Variants in MIGA1 observed in about 807,000 individuals in gnomAD.
The protein encoded by MIGA1 is mitoguardin 1, also known as family with sequence similarity 73, member A.
Under a neutral mutation model 82.0 loss-of-function variants are expected in MIGA1, and 58 were observed. The observed-to-expected ratio is 0.71, with a 90% CI of 0.57 to 0.88. The LOEUF (loss-of-function observed/expected upper bound fraction) is 0.88, where lower values mean the gene tolerates loss of function less well. Ranked by LOEUF, MIGA1 falls within the 40% of genes least tolerant of loss-of-function variation. The probability of loss-of-function intolerance (pLI) is 0.00; values close to 1 mark genes in which losing one functional copy is unlikely to be tolerated. For missense variants in MIGA1, 751 were observed against 749.1 expected, an observed-to-expected ratio of 1.00 and a Z score of -0.03; for synonymous variants, 249 against 253.6, an observed-to-expected ratio of 0.98 and a Z score of 0.17.
chr1:77,857,447 C>A (rs866756056), intron 8 of MIGA1, among the ~76,000 whole-genome samples: 5 of 151,900 alleles, frequency 3.3e-5, no homozygotes, highest in African/African-American at 1.2e-4. Context: ...TCAGGTGATC[C>A]GCCTGCCTCA....
At chr1:77,821,774 T>TTTTGTATAGTTGGTATAGTTGGTAATGAG (rs1553217444) in intron 7 of MIGA1, among the ~76,000 whole-genome samples, 1 of 152,182 alleles carries the variant, frequency 6.6e-6, no homozygotes, top group Non-Finnish European at 1.5e-5. Flanking sequence ...TTTGGTTAGT[T>TTTTGTATAGTTGGTATAGTTGGTAATGAG]TTGTATAGTT....
intron 8 of MIGA1, among the ~76,000 whole-genome samples, chr1:77,858,095 A>G (rs183401919): frequency 2.3e-4 from 35 of 152,194 alleles, no homozygotes; most frequent in African/African-American, 8.2e-4. Flanking sequence ...TGACGCCTGA[A>G]TGCCAGTACT....
chr1:77,781,838 A>G (rs1681932866), intron 1 of MIGA1, among the ~76,000 whole-genome samples: 1 of 152,180 alleles, frequency 6.6e-6, no homozygotes, highest in Non-Finnish European at 1.5e-5. Flanking sequence ...GCTGTGTTTG[A>G]TTTTAAAGGA....
chr1:77,811,865 A>G (rs1683350378), intron 5 of MIGA1: 2 of 1,444,480 alleles, frequency 1.4e-6, no homozygotes, highest in South Asian at 3.0e-5. Context: ...CCTGGCCCCG[A>G]CATTAACAGG....
rs912134955 is a variant in MIGA1 at position 77,866,476 on chromosome 1, A to G, written c.1563+85A>G. On this transcript the variant is annotated intron_variant, in intron 14 of 15. Transcript: ENST00000370791. Reference sequence around the variant, plus strand: ...GCTTCTGAGTCACTTCTCCGGTGGGAATTGGCAGCTGTAGGAGGGGTAGGA... The same window carrying G: ...GCTTCTGAGTCACTTCTCCGGTGGGGATTGGCAGCTGTAGGAGGGGTAGGA... The G allele has an allele frequency of 5.5e-5, 71 of 1,293,630 alleles. No individual in the cohort carries two copies. In the Middle Eastern group the frequency reaches 2.4e-3, roughly 44 times the overall value. The allele number at this position is 1,293,630 out of a possible 1,614,324, so 80.1% of individuals were successfully genotyped here.
At chr1:77,855,326 G>C (rs1685209345) in intron 8 of MIGA1, among the ~76,000 whole-genome samples, 1 of 152,166 alleles carries the variant, frequency 6.6e-6, no homozygotes, top group South Asian at 2.1e-4. Flanking sequence ...ATCAGGTCGT[G>C]TGATGCCTCC....
At chr1:77,802,549 G>A (rs1334019024) in intron 3 of MIGA1, among the ~76,000 whole-genome samples, 2 of 152,196 alleles carry the variant, frequency 1.3e-5, no homozygotes, top group East Asian at 3.8e-4. Context: ...CAAAGCAGGA[G>A]GATGGCTTGA....
rs545393468 is a variant in MIGA1, at chr1:77,822,988, G to A, written c.895+7757G>A. On this transcript the variant is annotated intron_variant, in intron 7 of 15. Coordinates refer to ENST00000370791, the MANE Select transcript of MIGA1 (RefSeq NM_198549.4). ...CTCCCGAATAGTTGGTATTATAGGC[G>A]TGTGCCACCACGCCAGGCTAATTTT... Among the ~76,000 whole-genome samples, 67 of 152,020 alleles carry A rather than the reference G, an allele frequency of 4.4e-4. 1 individual carries two copies. The highest frequency in any genetic ancestry group is 1.5e-3 in the African/African-American group (61 of 41,464).
Position 77,811,321 on chromosome 1 carries a change from C to G in MIGA1, c.638-2413C>G. ...CGATGGCAACCTTGGTAATAAAGTA[C>G]CGGGAACTCTAGCAGGAAAAGAATC... is the stretch of plus-strand genomic sequence containing the variant. On this transcript the variant is annotated intron_variant, in intron 5 of 15. Transcript: ENST00000370791. 3 of 1,606,236 alleles carry G rather than the reference C, an allele frequency of 1.9e-6. No homozygotes were observed. In the South Asian group the frequency reaches 3.3e-5, roughly 18 times the overall value.
rs1345961837 is a variant in MIGA1, at chr1:77,876,844, A to G, written c.*1780A>G. Reference sequence around the variant, plus strand: ...GGGTGGAGTTCTTCTATAAGAGTATATTAAATGCTTTCAGAGTTGTATTAA... The same window carrying G: ...GGGTGGAGTTCTTCTATAAGAGTATGTTAAATGCTTTCAGAGTTGTATTAA... On this transcript the variant is annotated 3_prime_UTR_variant, in exon 16 of 16. Transcript: ENST00000370791. 1.3e-5 allele frequency: 2 copies of G among 152,214 alleles called. No homozygotes were observed. The highest frequency in any genetic ancestry group is 1.3e-4 in the Admixed American group (2 of 15,280). The allele number at this position is 152,214 out of a possible 1,614,324, so 9.4% of individuals were successfully genotyped here.
chr1:77,866,685 A>ATT (rs67081783), intron 14 of MIGA1, among the ~76,000 whole-genome samples: 8 of 129,140 alleles, frequency 6.2e-5, no homozygotes, highest in African/African-American at 9.1e-5. Context: ...AATGATATTA[A>ATT]TTTTTTTTTT....
chr1:77,847,598 G>A, intron 8 of MIGA1: 2 of 1,534,932 alleles, frequency 1.3e-6, no homozygotes, highest in East Asian at 4.5e-5. Context: ...AACTGCAAGA[G>A]AGAGCTGAAG....
Position 77,853,145 on chromosome 1 carries a change from C to T in MIGA1, c.997-5793C>T, listed in dbSNP as rs144371048. On this transcript the variant is annotated intron_variant, in intron 8 of 15. Coordinates refer to ENST00000370791, the MANE Select transcript of MIGA1 (RefSeq NM_198549.4). ...TAGCGTAGACATTCAAAAGTCTCCT[C>T]CACAAAGCAAAAAATGTCAAAAACA... Among the ~76,000 whole-genome samples, 146 of 152,216 alleles carry T rather than the reference C, an allele frequency of 9.6e-4. 2 individuals carry two copies. The East Asian group carries it at 0.023, about 24-fold the overall frequency.
chr1:77,806,734 G>A (rs1683114687), intron 4 of MIGA1, among the ~76,000 whole-genome samples: 1 of 152,074 alleles, frequency 6.6e-6, no homozygotes, highest in African/African-American at 2.4e-5. Flanking sequence ...GATTTCTGAT[G>A]GAAATAAGTG....
chr1:77,822,642 G>A (rs1366873755), intron 7 of MIGA1, among the ~76,000 whole-genome samples: 2 of 152,074 alleles, frequency 1.3e-5, no homozygotes, highest in African/African-American at 4.8e-5. Context: ...AATCATTTTA[G>A]TATTGGAAGG....
chr1:77,803,544 C>T (rs1682971734), intron 4 of MIGA1, 138 bp downstream of exon 4: 3 of 406,696 alleles, frequency 7.4e-6, no homozygotes. Context: ...TTTCTTTAGG[C>T]AAGTAAAATA....
intron 8 of MIGA1, among the ~76,000 whole-genome samples, chr1:77,851,957 A>C (rs955911117): frequency 8.7e-5 from 13 of 149,458 alleles, no homozygotes; most frequent in African/African-American, 3.0e-4. Flanking sequence ...GCTCACTGCA[A>C]CCTTGCAACC....
chr1:77,861,594 A>C, intron 12 of MIGA1: 1 of 357,598 alleles, frequency 2.8e-6, no homozygotes, highest in Non-Finnish European at 5.1e-6. Flanking sequence ...CCTTCTCTCC[A>C]AAAGTCATTG....
intron 10 of MIGA1, 53 bp from the exon 11 acceptor site, chr1:77,859,987 C>T: frequency 9.1e-7 from 1 of 1,093,154 alleles, no homozygotes. Flanking sequence ...GTTGAATGTC[C>T]ATTCACATTC....
Sources: allele counts gnomAD v4.1 joint callset (sites outside exome capture counted in the v4.1 genomes callset), GRCh38; gene constraint gnomAD v4.1.1; transcripts MANE v1.5; gene names NCBI Gene and HGNC (gene_info 2026-07-23, HGNC 2026-07-21).